Variants in ECT2 observed in about 807,000 individuals in gnomAD.
The protein encoded by ECT2 is epithelial cell transforming 2, also known as protein ECT2.
Under a neutral mutation model 116.9 loss-of-function variants are expected in ECT2, and 61 were observed. The observed-to-expected ratio is 0.52, with a 90% CI of 0.42 to 0.65. ECT2 has a LOEUF of 0.65. Ranked by LOEUF, ECT2 falls within the 30% of genes least tolerant of loss-of-function variation. ECT2 has a pLI of 0.00. For missense variants in ECT2, 937 were observed against 1,078.7 expected (o/e 0.87, Z 1.84); for synonymous variants, 358 against 346.4 (o/e 1.03, Z -0.37).
At chr3:172,759,202 T>C in intron 6 of ECT2, 133 bp downstream of exon 6, 1 of 599,220 alleles carries the variant, frequency 1.7e-6, no homozygotes, top group Non-Finnish European at 2.7e-6. Context: ...TATACCAGAT[T>C]TTAAATTTTC....
rs868498152 is a variant in ECT2 at position 172,776,241 on chromosome 3, A to G, written c.1548+2219A>G. Reference sequence around the variant, plus strand: ...TTTTTTGTCATCTAGGCTGGAGTGCAGTGGCCTGATCTGAGCTCACTGCAA... The same window carrying G: ...TTTTTTGTCATCTAGGCTGGAGTGCGGTGGCCTGATCTGAGCTCACTGCAA... On this transcript the variant is annotated intron_variant, in intron 14 of 24. Transcript: ENST00000392692. Among the ~76,000 whole-genome samples, 10 of 131,738 alleles carry G rather than the reference A, an allele frequency of 7.6e-5. No homozygotes were observed. The Middle Eastern group carries it at 0.013, about 173-fold the overall frequency. The allele number at this position is 131,738 out of a possible 152,430, so 86.4% of individuals were successfully genotyped here. A position where few individuals can be genotyped will look rare whatever the true frequency, so the allele number is the denominator to read the frequency against.
chr3:172,809,868 C>G (rs770710537), intron 22 of ECT2, among the ~76,000 whole-genome samples: 47 of 152,092 alleles, frequency 3.1e-4, no homozygotes, highest in Admixed American at 3.9e-4. Context: ...TAAGTTTGAA[C>G]CTAAGGCCAA....
chr3:172,785,952 A>G (rs1423616938), intron 17 of ECT2, among the ~76,000 whole-genome samples: 4 of 152,228 alleles, frequency 2.6e-5, no homozygotes, highest in Non-Finnish European at 5.9e-5. Flanking sequence ...ATTATTCCAC[A>G]TGAGAGATTA....
At position 172,820,235 on chromosome 3, in the gene ECT2, T is replaced by A; in HGVS notation, c.2743T>A (p.Ter915ArgextTer12). 2.5e-6 allele frequency: 4 copies of A among 1,596,130 alleles called. No individual in the cohort carries two copies. The highest frequency in any genetic ancestry group is 3.4e-6 in the Non-Finnish European group (4 of 1,170,242). Residue 915 changes from the stop codon to arginine, a stop_lost, in exon 25 of 25, where the codon TGA (stop) becomes AGA (arginine). Coordinates refer to ENST00000392692, the MANE Select transcript of ECT2 (RefSeq NM_001258315.2). Reference sequence around the variant, plus strand: ...AAGTAGATCTACAACTCATTTGATATGAAGCGTTACCAAAATCTTAAATTA... The same window carrying A: ...AAGTAGATCTACAACTCATTTGATAAGAAGCGTTACCAAAATCTTAAATTA... The part of the protein sequence containing the change: ...TLSRSTTHLI[*>R]
At chr3:172,813,391 G>A (rs1365563863) in intron 22 of ECT2, among the ~76,000 whole-genome samples, 2 of 151,996 alleles carry the variant, frequency 1.3e-5, no homozygotes, top group Non-Finnish European at 2.9e-5. Context: ...GGCTAGTGAG[G>A]CAGGATAGAT....
At chr3:172,792,362 T>TGTGAAGCACAATAAA (rs1559992377) in intron 18 of ECT2, among the ~76,000 whole-genome samples, 1 of 151,860 alleles carries the variant, frequency 6.6e-6, no homozygotes, top group African/African-American at 2.4e-5. Flanking sequence ...AAACACTATA[T>TGTGAAGCACAATAAA]GTGAAGCACA....
intron 18 of ECT2, among the ~76,000 whole-genome samples, chr3:172,801,155 C>T (rs558645951): frequency 6.6e-6 from 1 of 152,000 alleles, no homozygotes; most frequent in Non-Finnish European, 1.5e-5. Flanking sequence ...CCTGTCATTG[C>T]ATGCCTGGTA....
intron 14 of ECT2, among the ~76,000 whole-genome samples, chr3:172,777,993 A>G (rs1298921883): frequency 1.3e-5 from 2 of 152,208 alleles, no homozygotes; most frequent in African/African-American, 2.4e-5. Flanking sequence ...GTAAGCCTCA[A>G]AAGAATTGTG....
chr3:172,750,914 G>C (rs1002558224), intron 1 of ECT2, 57 bp downstream of exon 1: 4 of 152,660 alleles, frequency 2.6e-5, no homozygotes, highest in Non-Finnish European at 5.9e-5. Context: ...CCAGAGCCAA[G>C]GGCTCTTTTG....
At chr3:172,807,514 C>CA (rs1231810395) in intron 21 of ECT2, among the ~76,000 whole-genome samples, 2 of 152,122 alleles carry the variant, frequency 1.3e-5, no homozygotes, top group Non-Finnish European at 2.9e-5. Context: ...TATTAAATGA[C>CA]ATGGATAATA....
chr3:172,817,996 T>C (rs1184036570), intron 24 of ECT2, among the ~76,000 whole-genome samples: 2 of 152,144 alleles, frequency 1.3e-5, no homozygotes, highest in East Asian at 3.8e-4. Flanking sequence ...TAAGTAGTTA[T>C]AAGGATTAAG....
intron 18 of ECT2, among the ~76,000 whole-genome samples, chr3:172,795,636 A>G (rs1179671904): frequency 6.6e-6 from 1 of 152,208 alleles, no homozygotes; most frequent in East Asian, 1.9e-4. Context: ...AATAATGACT[A>G]GCTCTAATAC....
chr3:172,765,068 C>T (rs1227536678), intron 12 of ECT2, among the ~76,000 whole-genome samples: 2 of 152,118 alleles, frequency 1.3e-5, no homozygotes, highest in Admixed American at 6.5e-5. Context: ...CACTTATTGT[C>T]CCATTTTTCT....
At chr3:172,800,666 C>T (rs1445750176) in intron 18 of ECT2, among the ~76,000 whole-genome samples, 1 of 152,006 alleles carries the variant, frequency 6.6e-6, no homozygotes, top group African/African-American at 2.4e-5. Flanking sequence ...TATTCTCATC[C>T]AGTGTATTTT....
intron 18 of ECT2, among the ~76,000 whole-genome samples, chr3:172,788,173 T>C (rs13060413): frequency 0.47 from 70,771 of 152,002 alleles, 19,613 homozygotes; most frequent in East Asian, 0.69. Flanking sequence ...AGCCTAGAGA[T>C]TTAATGCTTA....
At position 172,820,879 on chromosome 3, in the gene ECT2, A is replaced by G. The variant is rs905060308; in HGVS notation, c.*642A>G. On this transcript the variant is annotated 3_prime_UTR_variant, in exon 25 of 25. Coordinates refer to ENST00000392692, the MANE Select transcript of ECT2 (RefSeq NM_001258315.2). ...CAAAATATTTTTGCAAATTGAGATAAGGACAGAAAGATTGAGAAACATTGT... is the reference window on the plus strand; with the variant it reads ...CAAAATATTTTTGCAAATTGAGATAGGGACAGAAAGATTGAGAAACATTGT... 6.6e-6 allele frequency: 1 copy of G among 151,998 alleles called. No homozygotes were observed. The highest frequency in any genetic ancestry group is 1.5e-5 in the Non-Finnish European group (1 of 67,866). The allele number at this position is 151,998 out of a possible 1,614,324, so 9.4% of individuals were successfully genotyped here.
chr3:172,823,933 CTTTT>C (rs71162315), downstream of ECT2, among the ~76,000 whole-genome samples: 20 of 126,636 alleles, frequency 1.6e-4, no homozygotes, highest in African/African-American at 2.3e-4. Context: ...AAGTTTTTCT[CTTTT>C]TTTTTTTTTT....
rs1716845904 is a variant in ECT2 at position 172,755,670 on chromosome 3, T to C, written c.303+95T>C. On this transcript the variant is annotated intron_variant, in intron 4 of 24. Coordinates refer to ENST00000392692, the MANE Select transcript of ECT2 (RefSeq NM_001258315.2). ...GATTGGAATTAGGCACAAGGTGTAT[T>C]GTGTGCAATCTGAAGCTTAATGAAT... The C allele has an allele frequency of 1.3e-5, 8 of 613,558 alleles. No individual in the cohort carries two copies. In the South Asian group the frequency reaches 2.3e-4, roughly 18 times the overall value. The allele number at this position is 613,558 out of a possible 1,614,324, so 38.0% of individuals were successfully genotyped here.
chr3:172,809,073 G>GT (rs918539831), intron 22 of ECT2, among the ~76,000 whole-genome samples: 13 of 151,134 alleles, frequency 8.6e-5, no homozygotes, highest in East Asian at 3.9e-4. Flanking sequence ...TCATTGTAAG[G>GT]TTTTTTTTTG....
Sources: allele counts gnomAD v4.1 joint callset (sites outside exome capture counted in the v4.1 genomes callset), GRCh38; gene constraint gnomAD v4.1.1; transcripts MANE v1.5; gene names NCBI Gene and HGNC (gene_info 2026-07-23, HGNC 2026-07-21).